PTPRK: variants seen among roughly 807,000 people sequenced by gnomAD.
PTPRK encodes the protein protein tyrosine phosphatase receptor type K.
A neutral mutation model predicts 178.0 loss-of-function variants in PTPRK; 75 were observed. That is an observed-to-expected ratio of 0.42 (90% CI 0.35 to 0.51). PTPRK has a LOEUF of 0.51. PTPRK is among the 20% of genes least tolerant of loss of function. The pLI is 0.02. For missense variants in PTPRK, 1,441 were observed against 1,797.8 expected, an observed-to-expected ratio of 0.80 and a Z score of 3.59; for synonymous variants, 637 against 620.6, an observed-to-expected ratio of 1.03 and a Z score of -0.39.
At chr6:128,380,901 C>T (rs912347212) in intron 2 of PTPRK, among the ~76,000 whole-genome samples, 35 of 152,190 alleles carry the variant, frequency 2.3e-4, no homozygotes, top group African/African-American at 8.0e-4. Flanking sequence ...AAGTATCTTA[C>T]AAGTTCTACT....
chr6:128,017,565 C>T (rs1779716397), intron 13 of PTPRK, among the ~76,000 whole-genome samples: 1 of 151,148 alleles, frequency 6.6e-6, no homozygotes, highest in African/African-American at 2.4e-5. Flanking sequence ...ATATGGGAGT[C>T]CCAGGCTAGG....
At chr6:128,224,089 C>T (rs1471732380) in intron 5 of PTPRK, among the ~76,000 whole-genome samples, 1 of 152,144 alleles carries the variant, frequency 6.6e-6, no homozygotes, top group Non-Finnish European at 1.5e-5. Flanking sequence ...CTTTATTCTG[C>T]TTTGAGTTTT....
At chr6:128,226,385 C>T (rs1562824664) in intron 5 of PTPRK, among the ~76,000 whole-genome samples, 2 of 152,146 alleles carry the variant, frequency 1.3e-5, no homozygotes, top group African/African-American at 4.8e-5. Flanking sequence ...GATGTGTGTA[C>T]TTGCCTATGC....
At chr6:128,238,078 T>C (rs756009365) in intron 5 of PTPRK, 2 of 444,064 alleles carry the variant, frequency 4.5e-6, no homozygotes, top group African/African-American at 2.1e-5. Flanking sequence ...AAAGGTAAAA[T>C]AGCTTTTGAA....
chr6:128,219,122 A>C (rs747669744), intron 5 of PTPRK, 26 bp from the exon 6 acceptor site: 1 of 1,574,294 alleles, frequency 6.4e-7, no homozygotes, highest in South Asian at 1.1e-5. Context: ...AATCTTTAAA[A>C]ACAGGTTCTT....
Position 128,422,733 on chromosome 6 carries a change from T to TA in PTPRK, c.101-25046dup, listed in dbSNP as rs552332204. ...GAGCATTTCTGATGTTTAGAAATAT[T>TA]AAAAAAAAGAAGAAGAGGTTGAAAT... On this transcript the variant is annotated intron_variant, in intron 1 of 29. Transcript: ENST00000368226. 1.1e-3 allele frequency among the ~76,000 whole-genome samples: 136 copies of TA among 118,756 alleles called. 1 individual carries two copies. The highest frequency in any genetic ancestry group is 4.4e-3 in the African/African-American group (124 of 28,452). 77.9% of individuals were successfully genotyped at this position (118,756 alleles called of 152,430 possible).
intron 6 of PTPRK, among the ~76,000 whole-genome samples, chr6:128,202,136 A>G (rs907775809): frequency 5.9e-5 from 9 of 152,298 alleles, no homozygotes; most frequent in African/African-American, 2.2e-4. Flanking sequence ...TTCCACTGAA[A>G]TATCCAGGTT....
chr6:128,126,716 T>C (rs961239349), intron 7 of PTPRK, among the ~76,000 whole-genome samples: 1 of 152,206 alleles, frequency 6.6e-6, no homozygotes. Context: ...CTCAAACTTC[T>C]GGGCTCAAGC....
chr6:128,232,036 T>C (rs879268294), intron 5 of PTPRK: 9 of 152,240 alleles, frequency 5.9e-5, no homozygotes, highest in South Asian at 2.1e-4. Context: ...CCTCTTCCTC[T>C]TCCAGCAGTC....
intron 1 of PTPRK, among the ~76,000 whole-genome samples, chr6:128,438,607 G>A (rs1265796334): frequency 6.6e-6 from 1 of 152,200 alleles, no homozygotes; most frequent in African/African-American, 2.4e-5. Flanking sequence ...TCAAAGAGCT[G>A]TTGTGCACCT....
intron 3 of PTPRK, among the ~76,000 whole-genome samples, chr6:128,286,809 T>C (rs1490640067): frequency 1.3e-5 from 2 of 152,216 alleles, no homozygotes; most frequent in Non-Finnish European, 2.9e-5. Context: ...TAAAGCTTTG[T>C]TAGTGTAGCC....
chr6:128,252,805 T>C (rs747076064), intron 3 of PTPRK, among the ~76,000 whole-genome samples: 179 of 152,286 alleles, frequency 1.2e-3, no homozygotes, highest in Admixed American at 4.6e-3. Context: ...TAAAAGATAT[T>C]ATACACAAAT....
intron 27 of PTPRK, among the ~76,000 whole-genome samples, chr6:127,976,267 C>A (rs1562367805): frequency 6.7e-6 from 1 of 149,546 alleles, no homozygotes; most frequent in East Asian, 1.9e-4. Context: ...GTTTCTCTGT[C>A]ATTATTGTTA....
intron 3 of PTPRK, among the ~76,000 whole-genome samples, chr6:128,264,886 T>G (rs906383754): frequency 6.6e-6 from 1 of 152,146 alleles, no homozygotes; most frequent in Non-Finnish European, 1.5e-5. Flanking sequence ...ATTTTTAAAA[T>G]GGGAATTTCC....
chr6:128,015,035 A>G (rs1305985897), intron 13 of PTPRK, among the ~76,000 whole-genome samples: 1 of 151,708 alleles, frequency 6.6e-6, no homozygotes, highest in Non-Finnish European at 1.5e-5. Flanking sequence ...GCAAAAGTCT[A>G]TGAAGACTTT....
At chr6:128,377,921 G>A (rs1837332198) in intron 2 of PTPRK, among the ~76,000 whole-genome samples, 1 of 152,058 alleles carries the variant, frequency 6.6e-6, no homozygotes, top group Admixed American at 6.6e-5. Flanking sequence ...AAACACATTA[G>A]AATTCTTTCT....
chr6:128,350,484 C>T (rs1832977155), intron 2 of PTPRK, among the ~76,000 whole-genome samples: 1 of 152,088 alleles, frequency 6.6e-6, no homozygotes, highest in Admixed American at 6.6e-5. Flanking sequence ...GAAAGGTATT[C>T]ATCAATCCAA....
At chr6:128,100,312 A>T (rs1418598959) in intron 7 of PTPRK, among the ~76,000 whole-genome samples, 3 of 152,030 alleles carry the variant, frequency 2.0e-5, no homozygotes, top group African/African-American at 7.2e-5. Context: ...TTTTGAGATA[A>T]TGGAATGAAG....
intron 7 of PTPRK, among the ~76,000 whole-genome samples, chr6:128,178,356 T>G (rs181604538): frequency 9.2e-5 from 14 of 151,958 alleles, no homozygotes; most frequent in African/African-American, 3.4e-4. Context: ...TCACTAAAAT[T>G]TGTGAAATAA....
Sources: gnomAD v4.1 joint callset for allele counts (sites outside exome capture counted in the v4.1 genomes callset) on GRCh38, gnomAD v4.1.1 for gene constraint, MANE v1.5 for transcripts, NCBI Gene and HGNC (gene_info 2026-07-23, HGNC 2026-07-21) for gene names.